ANKRD24: variants seen among roughly 807,000 people sequenced by gnomAD.
The protein encoded by ANKRD24 is ankyrin repeat domain-containing protein 24.
ANKRD24 carries 109 observed loss-of-function variants against 127.8 expected under a neutral mutation model. The ratio of observed to expected loss-of-function variants is 0.85; its 90% CI spans 0.73 to 1.00. The LOEUF is 1.00. Ranked by LOEUF, ANKRD24 falls within the 50% of genes least tolerant of loss-of-function variation. ANKRD24 has a pLI of 0.00. For synonymous variants in ANKRD24, 743 were observed against 671.1 expected, an observed-to-expected ratio of 1.11 and a Z score of -1.66; for missense variants, 1,648 against 1,570.2, an observed-to-expected ratio of 1.05 and a Z score of -0.84.
At chr19:4,201,784 G>C (rs780441315) in intron 5 of ANKRD24, among the ~76,000 whole-genome samples, 3 of 152,140 alleles carry the variant, frequency 2.0e-5, no homozygotes, top group Non-Finnish European at 2.9e-5. Flanking sequence ...CTACTCGGAA[G>C]GCTGAGACAG....
intron 7 of ANKRD24, 137 bp from the exon 8 acceptor site, chr19:4,207,105 T>TTAA: frequency 4.4e-6 from 2 of 457,540 alleles, no homozygotes; most frequent in East Asian, 3.4e-5. Flanking sequence ...TTTTTTTTTG[T>TTAA]AGAGACAGGG....
chr19:4,198,057 C>T lies in ANKRD24; in HGVS notation c.37-1626C>T, dbSNP rs1968854617. 2 of 415,486 alleles carry T rather than the reference C, an allele frequency of 4.8e-6. No homozygotes were observed. The highest frequency in any genetic ancestry group is 8.5e-6 in the Non-Finnish European group (2 of 234,338). 25.7% of individuals were successfully genotyped at this position (415,486 alleles called of 1,614,324 possible). A position where few individuals can be genotyped will look rare whatever the true frequency, so the allele number is the denominator to read the frequency against. On this transcript the variant is annotated intron_variant, in intron 2 of 21. Coordinates refer to ENST00000318934, the MANE Select transcript of ANKRD24 (RefSeq NM_001393985.1). The surrounding 1 kb of genome is among the most constrained non-coding windows in gnomAD (Gnocchi z 6.1). ...CCGGCCGCGTGGAGGTGCGAGGCTGCGGACGTCGCGGGCCCGGAGGCACCT... is the reference window on the plus strand; with the variant it reads ...CCGGCCGCGTGGAGGTGCGAGGCTGTGGACGTCGCGGGCCCGGAGGCACCT...
intron 1 of ANKRD24, among the ~76,000 whole-genome samples, chr19:4,184,399 G>A (rs1451895087): frequency 2.0e-5 from 3 of 152,192 alleles, no homozygotes; most frequent in Admixed American, 6.5e-5. Flanking sequence ...GAAAGAAGCC[G>A]TGCTGAGTCC....
At chr19:4,208,831 C>T in intron 11 of ANKRD24, 30 bp downstream of exon 11, 1 of 1,605,822 alleles carries the variant, frequency 6.2e-7, no homozygotes, top group Non-Finnish European at 8.5e-7. Flanking sequence ...GAAGGAGCCC[C>T]TCCTCCCTGC....
chr19:4,201,237 C>G (rs1453234093), intron 5 of ANKRD24, among the ~76,000 whole-genome samples: 2 of 151,986 alleles, frequency 1.3e-5, no homozygotes, highest in Non-Finnish European at 1.5e-5. Flanking sequence ...CAGGAGGCAA[C>G]TAGGCATGGG....
chr19:4,185,639 A>C (rs1968019142), intron 1 of ANKRD24, among the ~76,000 whole-genome samples: 1 of 152,196 alleles, frequency 6.6e-6, no homozygotes, highest in South Asian at 2.1e-4. Flanking sequence ...CCCCACACTC[A>C]ACGTCACACA....
At chr19:4,188,620 G>C (rs1005428060) in intron 2 of ANKRD24, among the ~76,000 whole-genome samples, 5 of 151,914 alleles carry the variant, frequency 3.3e-5, no homozygotes, top group African/African-American at 7.3e-5. Flanking sequence ...GGCCTCAAGC[G>C]ATCCTCCTAA....
intron 15 of ANKRD24, among the ~76,000 whole-genome samples, chr19:4,214,752 G>A (rs1174245905): frequency 1.3e-5 from 2 of 152,184 alleles, no homozygotes; most frequent in Non-Finnish European, 2.9e-5. Context: ...TACTCGGGAG[G>A]CTAAGGCAGG....
chr19:4,210,100 C>G lies in ANKRD24; in HGVS notation c.913C>G (p.Arg305Gly). Reference sequence around the variant, plus strand: ...TGGAAAGCAGGGGGCCCCCAAGAAGCGGAAGGCGCCTCCACCTCCCGCCAG... The same window carrying G: ...TGGAAAGCAGGGGGCCCCCAAGAAGGGGAAGGCGCCTCCACCTCCCGCCAG... ...SHGKQGAPKK[R>G]KAPPPPASIP... The change falls in exon 12 of 22, where the codon CGG becomes GGG. Residue 305 changes from arginine (R) to glycine (G), a missense_variant. Arg to Gly is a moderately radical substitution (Grantham distance 125). Transcript: ENST00000318934. The G allele has an allele frequency of 2.5e-6, 4 of 1,612,188 alleles. No homozygotes were observed. The highest frequency in any genetic ancestry group is 1.1e-5 in the South Asian group (1 of 90,716).
intron 2 of ANKRD24, among the ~76,000 whole-genome samples, chr19:4,188,952 C>T (rs1391768329): frequency 2.0e-5 from 3 of 152,058 alleles, no homozygotes; most frequent in Non-Finnish European, 2.9e-5. Flanking sequence ...GGACTACAGG[C>T]GCCTGCCACT....
chr19:4,188,278 T>C (rs528003391), intron 2 of ANKRD24, among the ~76,000 whole-genome samples: 7 of 152,054 alleles, frequency 4.6e-5, no homozygotes, highest in African/African-American at 1.7e-4. Flanking sequence ...GACTTCACCA[T>C]GTTGGCCAGG....
chr19:4,185,641 C>T (rs151243646), intron 1 of ANKRD24, among the ~76,000 whole-genome samples: 15 of 152,346 alleles, frequency 9.8e-5, no homozygotes, highest in African/African-American at 3.1e-4. Context: ...CCACACTCAA[C>T]GTCACACACA....
At chr19:4,212,392 T>C (rs2145358268) in intron 13 of ANKRD24, 83 bp from the exon 14 acceptor site, 15 of 1,469,698 alleles carry the variant, frequency 1.0e-5, no homozygotes, top group Non-Finnish European at 1.4e-5. Context: ...TGAATGTGCA[T>C]GGAATGGAGG....
chr19:4,194,963 CTGATTGAT>C lies in ANKRD24; in HGVS notation c.37-4710_37-4703del, dbSNP rs529095561. Among the ~76,000 whole-genome samples the C allele has an allele frequency of 1.3e-4, 20 of 150,874 alleles. No individual in the cohort carries two copies. The East Asian group carries it at 3.1e-3, about 23-fold the overall frequency. On this transcript the variant is annotated intron_variant, in intron 2 of 21. Transcript: ENST00000318934. ...CAGTGGGCTCCGAGGGGCATTTGCT[CTGATTGAT>C]TGATTGATTTTTTTCAGATGGAGTC... is the stretch of plus-strand genomic sequence containing the variant.
intron 13 of ANKRD24, 136 bp downstream of exon 13, chr19:4,210,508 C>T: frequency 1.3e-6 from 1 of 766,430 alleles, no homozygotes; most frequent in East Asian, 2.8e-5. Flanking sequence ...ACCTGGGCCT[C>T]CTCGCTGTTC....
chr19:4,189,243 CTTTT>C (rs398033749), intron 2 of ANKRD24, among the ~76,000 whole-genome samples: 1 of 73,940 alleles, frequency 1.4e-5, no homozygotes, highest in South Asian at 5.4e-4. Context: ...TTTCTTTCTT[CTTTT>C]TTTTTTTTTT....
chr19:4,222,859 A>G (rs755354170), intron 20 of ANKRD24, 64 bp downstream of exon 20: 14 of 1,501,354 alleles, frequency 9.3e-6, no homozygotes, highest in Non-Finnish European at 1.2e-5. Flanking sequence ...ATATTTACCA[A>G]TCAGCACAGC....
Position 4,219,715 on chromosome 19 carries a change from G to A in ANKRD24, c.3128G>A (p.Arg1043Gln), listed in dbSNP as rs755333601. The A allele has an allele frequency of 6.8e-6, 11 of 1,613,020 alleles. No homozygotes were observed. The highest frequency in any genetic ancestry group is 2.2e-5 in the East Asian group (1 of 44,866). The change falls in exon 19 of 22, where the codon CGG becomes CAG. Residue 1043 changes from arginine to glutamine, a missense_variant. Coordinates refer to ENST00000318934, the MANE Select transcript of ANKRD24 (RefSeq NM_001393985.1). ...GAAAGGGCTCGCCAGGCCCAGAGCC[G>A]GGCCCAGGAGGCTCTGGACAAGGCC... ...EAERARQAQS[R>Q]AQEALDKAKE... is the part of the protein sequence containing the mutation.
At position 4,216,934 on chromosome 19, in the gene ANKRD24, A is replaced by C. The variant is rs61741405; in HGVS notation, c.1774A>C (p.Thr592Pro). Residue 592 changes from threonine (T) to proline (P), a missense_variant, in exon 18 of 22, where the codon ACA becomes CCA. Transcript: ENST00000318934. ...AGCCGAGGCCACGGGAGCTGAGGCC[A>C]CAGGAGCCAAGGTCACAGAAACAAA... ...TGAEATGAEA[T>P]GAKVTETKPT... 6.2e-6 allele frequency: 10 copies of C among 1,611,034 alleles called. No individual in the cohort carries two copies. The African/African-American group carries it at 1.1e-4, about 17-fold the overall frequency.
Sources: gnomAD v4.1 joint callset for allele counts (sites outside exome capture counted in the v4.1 genomes callset) on GRCh38, gnomAD v4.1.1 for gene constraint, Gnocchi (gnomAD v3.1) non-coding constraint, MANE v1.5 for transcripts, NCBI Gene and HGNC (gene_info 2026-07-23, HGNC 2026-07-21) for gene names.